The following SHANK2 variants were observed in gnomAD, a reference collection of about 807,000 sequenced individuals.
The protein encoded by SHANK2 is SH3 and multiple ankyrin repeat domains protein 2.
SHANK2 carries 43 observed loss-of-function variants against 133.7 expected under a neutral mutation model. The observed-to-expected ratio is 0.32, with a 90% CI of 0.25 to 0.41. The LOEUF is 0.41. SHANK2 is among the 10% of genes least tolerant of loss of function. The probability of loss-of-function intolerance (pLI) is 1.00; values close to 1 mark genes in which losing one functional copy is unlikely to be tolerated. For synonymous variants in SHANK2, 1,017 were observed against 952.8 expected, an observed-to-expected ratio of 1.07 and a Z score of -1.24; for missense variants, 1,994 against 2,235.8, an observed-to-expected ratio of 0.89 and a Z score of 2.18.
intron 14 of SHANK2, among the ~76,000 whole-genome samples, chr11:70,710,093 C>T (rs1478310961): frequency 6.6e-6 from 1 of 152,142 alleles, no homozygotes; most frequent in Non-Finnish European, 1.5e-5. Context: ...AAACCCACCA[C>T]CACCTTTGCA....
chr11:70,554,555 C>G (rs114205025), intron 17 of SHANK2, among the ~76,000 whole-genome samples: 25 of 152,276 alleles, frequency 1.6e-4, no homozygotes, highest in South Asian at 1.5e-3. Context: ...TCTCCTCCCC[C>G]CTCCCCCAGG....
chr11:70,914,811 A>G (rs1303555237), intron 10 of SHANK2, among the ~76,000 whole-genome samples: 2 of 151,268 alleles, frequency 1.3e-5, no homozygotes, highest in African/African-American at 4.8e-5. Flanking sequence ...GGATCCCTTG[A>G]GCCTAGGAAT....
rs1555152864 is a variant in SHANK2, at chr11:70,485,520, A to G, written c.4773T>C (p.Pro1591=). The change falls in exon 25 of 26, where the codon CCT becomes CCC. Residue 1591 remains proline, a synonymous_variant. Transcript: ENST00000601538. The surrounding 1 kb of genome is among the most constrained non-coding windows in gnomAD (Gnocchi z 5.8). Reference sequence around the variant, plus strand: ...TTGGCTGGAGAACCTTGGCCATCCCAGGCTGGGCACTGCCCGGCGGGGGCG... The same window carrying G: ...TTGGCTGGAGAACCTTGGCCATCCCGGGCTGGGCACTGCCCGGCGGGGGCG... ...APPPPPGSAQ[P]GMAKVLQPRT... The G allele has an allele frequency of 6.2e-7, 1 of 1,613,266 alleles. No individual in the cohort carries two copies. The highest frequency in any genetic ancestry group is 8.5e-7 in the Non-Finnish European group (1 of 1,179,970).
intron 9 of SHANK2, among the ~76,000 whole-genome samples, chr11:71,065,083 G>C (rs1435015936): frequency 6.6e-6 from 1 of 152,186 alleles, no homozygotes; most frequent in Non-Finnish European, 1.5e-5. Flanking sequence ...GATGGGGACA[G>C]AGACGGGACC....
At chr11:70,787,098 CCAT>C (rs1339258860) in intron 14 of SHANK2, among the ~76,000 whole-genome samples, 5 of 151,264 alleles carry the variant, frequency 3.3e-5, no homozygotes, top group Middle Eastern at 3.5e-3. Context: ...AGCATCACCA[CCAT>C]CATCACCATG....
intron 3 of SHANK2, among the ~76,000 whole-genome samples, chr11:71,136,372 A>T (rs559761872): frequency 6.6e-6 from 1 of 152,228 alleles, no homozygotes; most frequent in African/African-American, 2.4e-5. Flanking sequence ...ATTATCTTAC[A>T]TGAAAGGACT....
At chr11:70,941,853 A>AATATATAAT (rs1950652618) in intron 10 of SHANK2, among the ~76,000 whole-genome samples, 1 of 150,418 alleles carries the variant, frequency 6.6e-6, no homozygotes, top group Admixed American at 6.6e-5. Context: ...ACAATAATAT[A>AATATATAAT]ATATATAATA....
At chr11:70,537,788 C>T (rs1004510881) in intron 17 of SHANK2, among the ~76,000 whole-genome samples, 2 of 152,232 alleles carry the variant, frequency 1.3e-5, no homozygotes, top group East Asian at 1.9e-4. Context: ...AGGGGACCCT[C>T]GACATTCTGC....
At chr11:70,551,351 C>T (rs1255946246) in intron 17 of SHANK2, among the ~76,000 whole-genome samples, 4 of 152,164 alleles carry the variant, frequency 2.6e-5, no homozygotes, top group South Asian at 2.1e-4. Context: ...CATCTCCACC[C>T]GGCCAGTCTG....
intron 14 of SHANK2, among the ~76,000 whole-genome samples, chr11:70,727,575 G>T (rs782409413): frequency 6.6e-6 from 1 of 152,208 alleles, no homozygotes; most frequent in African/African-American, 2.4e-5. Flanking sequence ...TGTAGCTTAC[G>T]CTCTAAGCTA....
chr11:70,649,506 C>T (rs982269842), intron 17 of SHANK2, among the ~76,000 whole-genome samples: 2 of 152,200 alleles, frequency 1.3e-5, no homozygotes, highest in East Asian at 3.9e-4. Flanking sequence ...AGCACAGGGC[C>T]TTCCTCCAGT....
intron 17 of SHANK2, among the ~76,000 whole-genome samples, chr11:70,631,428 A>T (rs1454977378): frequency 4.8e-5 from 7 of 147,260 alleles, no homozygotes; most frequent in African/African-American, 1.8e-4. Context: ...CCTCCCTCCC[A>T]CCTGCCTTCT....
At chr11:71,115,727 GC>G (rs1245850941) in intron 4 of SHANK2, among the ~76,000 whole-genome samples, 1 of 152,262 alleles carries the variant, frequency 6.6e-6, no homozygotes, top group East Asian at 1.9e-4. Flanking sequence ...AGGTACTGGG[GC>G]CAGATGTAGA....
At chr11:71,097,350 G>A (rs1290948434) in intron 6 of SHANK2, among the ~76,000 whole-genome samples, 9 of 151,978 alleles carry the variant, frequency 5.9e-5, no homozygotes, top group East Asian at 1.9e-4. Context: ...AGCACTGCCC[G>A]GGATGCACAC....
chr11:70,694,175 A>G (rs1555021734), intron 15 of SHANK2, among the ~76,000 whole-genome samples: 2 of 152,210 alleles, frequency 1.3e-5, no homozygotes, highest in Non-Finnish European at 2.9e-5. Flanking sequence ...AATATCTGTA[A>G]AGTCCCAAGT....
chr11:70,676,524 G>A (rs1227287245), intron 15 of SHANK2, among the ~76,000 whole-genome samples: 2 of 152,256 alleles, frequency 1.3e-5, no homozygotes, highest in Non-Finnish European at 2.9e-5. Context: ...CTTCAGAGAT[G>A]TCACTGCCCG....
At chr11:70,857,084 A>G (rs1296822140) in intron 11 of SHANK2, among the ~76,000 whole-genome samples, 1 of 152,176 alleles carries the variant, frequency 6.6e-6, no homozygotes, top group Admixed American at 6.5e-5. Context: ...GATTAAGCAA[A>G]CATTTCCCTG....
intron 2 of SHANK2, among the ~76,000 whole-genome samples, chr11:71,184,110 C>G (rs1017717846): frequency 1.3e-5 from 2 of 152,166 alleles, no homozygotes; most frequent in South Asian, 2.1e-4. Context: ...CAGAGGGAGA[C>G]AGCCCCTCCC....
In SHANK2 at chr11:71,109,956, C is replaced by A; in HGVS notation, c.577G>T (p.Asp193Tyr). 2 of 1,551,134 alleles carry A rather than the reference C, an allele frequency of 1.3e-6. No individual in the cohort carries two copies. Among genetic ancestry groups the A allele is most frequent in the South Asian group, 1.2e-5 (1 of 84,020 alleles). ...LDRGLDPNFHDPETGETPLTL... is the reference protein window; with the variant it reads ...LDRGLDPNFHYPETGETPLTL... ...AAGTGCTCACCTCCGGTCTCCGGGT[C>A]GTGGAAATTGGGATCCAGGCCTCGG... The change falls in exon 6 of 26, where the codon GAC becomes TAC. Residue 193 changes from aspartate (D) to tyrosine (Y), a missense_variant. Asp to Tyr is a radical substitution (Grantham distance 160). This residue lies in a region of SHANK2 where 653 missense variants were observed against 563.4 expected (regional missense o/e 1.16). Transcript: ENST00000601538.
Sources: gnomAD v4.1 joint callset for allele counts (sites outside exome capture counted in the v4.1 genomes callset) on GRCh38, gnomAD v4.1.1 for gene constraint, gnomAD v4.1.1 regional missense constraint, Gnocchi (gnomAD v3.1) non-coding constraint, MANE v1.5 for transcripts, NCBI Gene and HGNC (gene_info 2026-07-23, HGNC 2026-07-21) for gene names.